Variants in NLGN1 observed in about 807,000 individuals in gnomAD.
The protein encoded by NLGN1 is neuroligin-1.
NLGN1 carries 12 observed loss-of-function variants against 65.5 expected under a neutral mutation model. The ratio of observed to expected loss-of-function variants is 0.18; its 90% confidence interval spans 0.12 to 0.30. NLGN1 has a LOEUF of 0.30. NLGN1 is among the 10% of genes least tolerant of loss of function. NLGN1 has a pLI of 1.00. For missense variants in NLGN1, 750 were observed against 1,007.1 expected, an observed-to-expected ratio of 0.74 and a Z score of 3.46; for synonymous variants, 350 against 359.5, an observed-to-expected ratio of 0.97 and a Z score of 0.30.
At chr3:174,267,910 C>T (rs549554425) in intron 4 of NLGN1, among the ~76,000 whole-genome samples, 1 of 152,054 alleles carries the variant, frequency 6.6e-6, no homozygotes, top group East Asian at 1.9e-4. Flanking sequence ...ATATGAATTA[C>T]ATAAATAGTA....
chr3:173,849,868 A>T (rs908111975), intron 4 of NLGN1, among the ~76,000 whole-genome samples: 17 of 152,168 alleles, frequency 1.1e-4, no homozygotes, highest in Admixed American at 5.9e-4. Flanking sequence ...GTGTTCTTTC[A>T]TAAGTGTGAT....
Position 173,492,863 on chromosome 3 carries a change from A to G in NLGN1, c.-321+57785A>G, listed in dbSNP as rs535309828. Among the ~76,000 whole-genome samples the G allele has an allele frequency of 7.9e-5, 12 of 151,938 alleles. No individual in the cohort carries two copies. The South Asian group carries it at 2.5e-3, about 31-fold the overall frequency. On this transcript the variant is annotated intron_variant, in intron 2 of 6. Transcript: ENST00000457714. ...TCATGCTAGAGAAACCCTATGCTTT[A>G]GGCTGAAAATTTGGAATTCCAATGT...
intron 3 of NLGN1, among the ~76,000 whole-genome samples, chr3:173,649,729 AT>A (rs1414613580): frequency 2.1e-4 from 32 of 152,140 alleles, no homozygotes; most frequent in Admixed American, 4.6e-4. Context: ...TTAGGATTGT[AT>A]CTATACTATT....
Position 173,776,859 on chromosome 3 carries a change from G to A in NLGN1, c.494-30821G>A, listed in dbSNP as rs377231742. ...GGAAAAGCATGTTCAAGTAGCAGTG[G>A]AATGATCTTTCATAGGAAAAAGTCA... On this transcript the variant is annotated intron_variant, in intron 3 of 6. Coordinates refer to ENST00000457714, the Ensembl canonical transcript of NLGN1. 8.6e-5 allele frequency among the ~76,000 whole-genome samples: 13 copies of A among 152,006 alleles called. 1 individual carries two copies. In the South Asian group the frequency reaches 2.7e-3, roughly 31 times the overall value.
At chr3:174,129,712 T>C (rs1577022900) in intron 4 of NLGN1, among the ~76,000 whole-genome samples, 1 of 152,184 alleles carries the variant, frequency 6.6e-6, no homozygotes, top group Non-Finnish European at 1.5e-5. Context: ...TATCATTGTA[T>C]ATGTGAAGGG....
At chr3:173,598,917 C>T (rs538452357) in intron 2 of NLGN1, among the ~76,000 whole-genome samples, 1 of 152,182 alleles carries the variant, frequency 6.6e-6, no homozygotes, top group East Asian at 1.9e-4. Flanking sequence ...GAAAAGGAGG[C>T]CAGGCCTTTG....
chr3:174,079,435 G>A (rs1173953886), intron 4 of NLGN1, among the ~76,000 whole-genome samples: 1 of 152,176 alleles, frequency 6.6e-6, no homozygotes, highest in South Asian at 2.1e-4. Context: ...CTTATACACT[G>A]TTGGTGGAAG....
intron 4 of NLGN1, among the ~76,000 whole-genome samples, chr3:173,901,187 T>C (rs1737288410): frequency 6.6e-6 from 1 of 151,994 alleles, no homozygotes; most frequent in Non-Finnish European, 1.5e-5. Flanking sequence ...GGAATTGAGA[T>C]TAATAATGCA....
chr3:174,025,770 AT>A lies in NLGN1; in HGVS notation c.646+217940del, dbSNP rs1728712739. Among the ~76,000 whole-genome samples, 3 of 152,214 alleles carry A rather than the reference AT, an allele frequency of 2.0e-5. No homozygotes were observed. In the South Asian group the frequency reaches 6.2e-4, roughly 31 times the overall value. On this transcript the variant is annotated intron_variant, in intron 4 of 6. Transcript: ENST00000457714. The stretch of plus-strand genomic sequence containing the variant: ...CACTGTTGATAGGAAAGTAAACTGG[AT>A]TAGCTATTCCGGAAATGATTGTCAC...
chr3:174,093,713 T>C (rs1028450582), intron 4 of NLGN1, among the ~76,000 whole-genome samples: 3 of 152,234 alleles, frequency 2.0e-5, no homozygotes, highest in African/African-American at 7.2e-5. Flanking sequence ...ACCACACATA[T>C]AATTATTTTC....
chr3:173,722,451 C>T (rs951416870), intron 3 of NLGN1, among the ~76,000 whole-genome samples: 3 of 151,964 alleles, frequency 2.0e-5, no homozygotes, highest in African/African-American at 7.3e-5. Flanking sequence ...CCATGTTGGC[C>T]AGCTGGTCTC....
intron 4 of NLGN1, among the ~76,000 whole-genome samples, chr3:173,977,583 C>T (rs533774122): frequency 1.3e-4 from 19 of 151,782 alleles, no homozygotes; most frequent in Non-Finnish European, 2.4e-4. Context: ...GACAGAGGTT[C>T]CAAGGATGAC....
chr3:173,810,126 T>C (rs1009660309), intron 4 of NLGN1, among the ~76,000 whole-genome samples: 1 of 152,202 alleles, frequency 6.6e-6, no homozygotes, highest in East Asian at 1.9e-4. Context: ...GTCACTTTTT[T>C]CCAAAAATAT....
At chr3:173,648,866 C>T (rs1054292981) in intron 3 of NLGN1, among the ~76,000 whole-genome samples, 3 of 152,096 alleles carry the variant, frequency 2.0e-5, no homozygotes, top group East Asian at 1.9e-4. Context: ...TGAGCCACCA[C>T]GCTCAGCCCT....
intron 2 of NLGN1, among the ~76,000 whole-genome samples, chr3:173,446,518 A>G (rs185900148): frequency 1.6e-4 from 24 of 152,338 alleles, no homozygotes; most frequent in African/African-American, 5.1e-4. Flanking sequence ...TAGTGCCGCA[A>G]TAAACATACG....
chr3:173,903,483 T>G (rs1579088208), intron 4 of NLGN1, among the ~76,000 whole-genome samples: 1 of 152,324 alleles, frequency 6.6e-6, no homozygotes, highest in East Asian at 1.9e-4. Context: ...TATATTTATG[T>G]AAAACATAAA....
rs767547807 is a variant in NLGN1, at chr3:173,604,804, T to A, written c.206T>A (p.Leu69His). ...AAGATAAGAGGGATTAAGAAGGAAC[T>A]CAATAATGAAATTTTGGGGCCTGTT... The change falls in exon 3 of 7, where the codon CTC becomes CAC. Residue 69 changes from leucine to histidine, a missense_variant. Coordinates refer to ENST00000457714, the Ensembl canonical transcript of NLGN1. 2.5e-6 allele frequency: 4 copies of A among 1,613,734 alleles called. No individual in the cohort carries two copies. The South Asian group carries it at 4.4e-5, about 18-fold the overall frequency.
chr3:174,192,459 T>C (rs1405819980), intron 4 of NLGN1, among the ~76,000 whole-genome samples: 1 of 152,172 alleles, frequency 6.6e-6, no homozygotes, highest in Non-Finnish European at 1.5e-5. Context: ...TATGCAGATG[T>C]TATTACTCAT....
chr3:174,142,984 T>C (rs1722577547), intron 4 of NLGN1, among the ~76,000 whole-genome samples: 1 of 152,028 alleles, frequency 6.6e-6, no homozygotes. Context: ...GCATGTCACA[T>C]GGCAAGAGAA....
Sources: gnomAD v4.1 joint callset for allele counts (sites outside exome capture counted in the v4.1 genomes callset) on GRCh38, gnomAD v4.1.1 for gene constraint, MANE v1.5 for transcripts, NCBI Gene and HGNC (gene_info 2026-07-23, HGNC 2026-07-21) for gene names.